Variants in ABCB4 observed in about 807,000 individuals in gnomAD.
ABCB4 encodes ATP binding cassette subfamily B member 4.
Under a neutral mutation model 145.7 loss-of-function variants are expected in ABCB4, and 76 were observed. The ratio of observed to expected loss-of-function variants is 0.52; its 90% CI spans 0.43 to 0.63. The LOEUF (loss-of-function observed/expected upper bound fraction) is 0.63, where lower values mean the gene tolerates loss of function less well. ABCB4 is among the 30% of genes least tolerant of loss of function. ABCB4 has a pLI of 0.00. For synonymous variants in ABCB4, 517 were observed against 566.8 expected (o/e 0.91, Z 1.25); for missense variants, 1,234 against 1,553.1 (o/e 0.79, Z 3.45).
At chr7:87,372,830 C>A in the ABCB4 span, among the ~76,000 whole-genome samples, 1 of 152,004 alleles carries the variant, frequency 6.6e-6, no homozygotes, top group African/African-American at 2.4e-5. Context: ...TACAGATATG[C>A]CACATTTTAT....
chr7:87,446,466 G>A (rs1457338807), intron 9 of ABCB4, among the ~76,000 whole-genome samples: 1 of 152,018 alleles, frequency 6.6e-6, no homozygotes, highest in Non-Finnish European at 1.5e-5. Flanking sequence ...TTATCATCAA[G>A]AGAATATAAA....
chr7:87,384,665 A>G, the ABCB4 span, among the ~76,000 whole-genome samples: 1 of 152,198 alleles, frequency 6.6e-6, no homozygotes, highest in Non-Finnish European at 1.5e-5. Context: ...ATTTTCTCCC[A>G]TTCTGTGGGC....
At position 87,418,530 on chromosome 7, in the gene ABCB4, T is replaced by C. The variant is rs778002144; in HGVS notation, c.2478+7A>G. On this transcript the variant is annotated splice_region_variant and intron_variant, in intron 20 of 27. Coordinates refer to ENST00000649586, the MANE Select transcript of ABCB4 (RefSeq NM_000443.4). ...AAAAAACTACAAGTAGAGTGCAGTC[T>C]ACCTACTCCTTGGACTTGGGCAGCA... 29 of 1,613,626 alleles carry C rather than the reference T, an allele frequency of 1.8e-5. No individual in the cohort carries two copies. The highest frequency in any genetic ancestry group is 3.3e-4 in the Middle Eastern group (2 of 6,082).
In ABCB4 at chr7:87,403,267, T is replaced by C. The variant is rs1321077061; in HGVS notation, c.3501A>G (p.Arg1167=). 1.2e-6 allele frequency: 2 copies of C among 1,613,766 alleles called. No homozygotes were observed. The highest frequency in any genetic ancestry group is 1.7e-6 in the Non-Finnish European group (2 of 1,179,668). Residue 1167 remains arginine, a synonymous_variant, in exon 27 of 28, where the codon AGA becomes AGG. Coordinates refer to ENST00000649586, the MANE Select transcript of ABCB4 (RefSeq NM_000443.4). ...IETLPHKYET[R]VGDKGTQLSG... ...AGAGCTGAGTCCCCTTATCTCCCAC[T>C]CTTGTTTCATATTTCTGCAAGTTAA...
At chr7:87,414,674 A>G (rs759090187) in intron 21 of ABCB4, among the ~76,000 whole-genome samples, 4 of 151,728 alleles carry the variant, frequency 2.6e-5, no homozygotes, top group Non-Finnish European at 5.9e-5. Context: ...CAGCTTTAAG[A>G]CTTTTTTTTT....
At chr7:87,441,464 C>T (rs749518181) in intron 12 of ABCB4, among the ~76,000 whole-genome samples, 7 of 151,982 alleles carry the variant, frequency 4.6e-5, no homozygotes, top group South Asian at 2.1e-4. Context: ...TCCAGAGAGT[C>T]GCATGTTCAT....
At chr7:87,375,693 T>A in the ABCB4 span, 5 of 1,613,668 alleles carry the variant, frequency 3.1e-6, no homozygotes, top group Non-Finnish European at 4.2e-6. Flanking sequence ...GATTGCAGCA[T>A]TAACTAGTGA....
chr7:87,400,568 T>A (rs1194433961), downstream of ABCB4, among the ~76,000 whole-genome samples: 1 of 152,184 alleles, frequency 6.6e-6, no homozygotes, highest in Admixed American at 6.5e-5. Context: ...AAGAACCTTT[T>A]CCCCTCATTC....
chr7:87,438,682 G>T (rs908906904), intron 14 of ABCB4, among the ~76,000 whole-genome samples: 3 of 152,176 alleles, frequency 2.0e-5, no homozygotes, highest in African/African-American at 7.2e-5. Context: ...CCAGGAGGTG[G>T]AGGCTGCAGG....
At chr7:87,377,360 C>T in the ABCB4 span, 1 of 1,596,098 alleles carries the variant, frequency 6.3e-7, no homozygotes, top group Non-Finnish European at 8.6e-7. Flanking sequence ...TTATTGCAGC[C>T]ATCCTTATTG....
At chr7:87,417,206 G>T in intron 21 of ABCB4, 106 bp downstream of exon 21, 2 of 1,032,298 alleles carry the variant, frequency 1.9e-6, no homozygotes, top group Non-Finnish European at 3.0e-6. Context: ...GTTGTAGTGG[G>T]CACAAACATT....
intron 3 of ABCB4, among the ~76,000 whole-genome samples, chr7:87,469,175 C>T (rs1813174991): frequency 6.6e-6 from 1 of 151,980 alleles, no homozygotes; most frequent in Non-Finnish European, 1.5e-5. Context: ...ATTCAACAGC[C>T]ATTCATGCTA....
the ABCB4 span, among the ~76,000 whole-genome samples, chr7:87,377,955 TCTC>T: frequency 6.6e-6 from 1 of 152,112 alleles, no homozygotes; most frequent in African/African-American, 2.4e-5. Context: ...TTTTCTTGCT[TCTC>T]CTCTGTTCCC....
chr7:87,445,324 A>G (rs1387051113), intron 9 of ABCB4, among the ~76,000 whole-genome samples: 1 of 152,190 alleles, frequency 6.6e-6, no homozygotes, highest in Non-Finnish European at 1.5e-5. Flanking sequence ...AATTACATAG[A>G]CGGTTCAATA....
the ABCB4 span, among the ~76,000 whole-genome samples, chr7:87,372,636 A>T: frequency 6.6e-6 from 1 of 152,182 alleles, no homozygotes; most frequent in Non-Finnish European, 1.5e-5. Context: ...ACAACTACCA[A>T]TCTACTTTCT....
At chr7:87,430,407 G>C (rs1202632747) in intron 15 of ABCB4, among the ~76,000 whole-genome samples, 8 of 152,138 alleles carry the variant, frequency 5.3e-5, no homozygotes, top group Admixed American at 5.2e-4. Context: ...AATATTCTTA[G>C]GTTATTTATT....
chr7:87,375,125 C>T, the ABCB4 span: 1 of 153,212 alleles, frequency 6.5e-6, no homozygotes, highest in African/African-American at 2.4e-5. Flanking sequence ...CAAAGTGGCA[C>T]ATATGAAAAT....
intron 26 of ABCB4, among the ~76,000 whole-genome samples, chr7:87,405,114 C>T (rs747656781): frequency 2.0e-5 from 3 of 152,150 alleles, no homozygotes; most frequent in Non-Finnish European, 4.4e-5. Context: ...CAGGAAATAA[C>T]CCAGCTATCC....
the ABCB4 span, among the ~76,000 whole-genome samples, chr7:87,381,032 G>T: frequency 6.6e-6 from 1 of 152,228 alleles, no homozygotes; most frequent in South Asian, 2.1e-4. Context: ...TATAGGCTCC[G>T]CTGGGCCATG....
Sources: allele counts gnomAD v4.1 joint callset (sites outside exome capture counted in the v4.1 genomes callset), GRCh38; gene constraint gnomAD v4.1.1; transcripts MANE v1.5; gene names NCBI Gene and HGNC (gene_info 2026-07-23, HGNC 2026-07-21).